The following CDR2L variants were observed in gnomAD, a reference collection of about 807,000 sequenced individuals.
The protein encoded by CDR2L is cerebellar degeneration-related protein 2-like.
CDR2L carries 19 observed loss-of-function variants against 36.1 expected under a neutral mutation model. The ratio of observed to expected loss-of-function variants is 0.53; its 90% CI spans 0.37 to 0.77. The LOEUF is 0.77. Among genes scored for constraint, CDR2L ranks in the 30% least tolerant of loss-of-function variants. The probability of loss-of-function intolerance (pLI) is 0.00; values close to 1 mark genes in which losing one functional copy is unlikely to be tolerated. For missense variants in CDR2L, 575 were observed against 627.2 expected (o/e 0.92, Z 0.89); for synonymous variants, 285 against 280.4 (o/e 1.02, Z -0.16).
chr17:75,003,199 C>A lies in CDR2L; in HGVS notation c.523C>A (p.Arg175Ser), dbSNP rs566703535. 19 of 1,564,288 alleles carry A rather than the reference C, an allele frequency of 1.2e-5. No homozygotes were observed. The South Asian group carries it at 2.2e-4, about 18-fold the overall frequency. The change falls in exon 5 of 5, where the codon CGC (arginine) becomes AGC (serine). Residue 175 changes from arginine to serine, a missense_variant. Arg to Ser is a moderately radical substitution (Grantham distance 110). Transcript: ENST00000337231. ...ACCCGCCAGGTGCAAGGATGCTTTC[C>A]GCCTACACAGTTCCTCCCTGGAGCT... is the stretch of plus-strand genomic sequence containing the variant. ...CTSPRCKDAF[R>S]LHSSSLELGP... is the part of the protein sequence containing the mutation.
chr17:74,996,024 A>G (rs1194723521), intron 1 of CDR2L, among the ~76,000 whole-genome samples: 4 of 152,044 alleles, frequency 2.6e-5, no homozygotes, highest in African/African-American at 9.7e-5. Flanking sequence ...TTGAGATTTA[A>G]TTAACACACA....
Position 75,003,623 on chromosome 17 carries a change from G to A in CDR2L, c.947G>A (p.Ser316Asn). The change falls in exon 5 of 5, where the codon AGC becomes AAC. Residue 316 changes from serine (S) to asparagine (N), a missense_variant. By Grantham distance (46) the Ser-to-Asn change is conservative. Coordinates refer to ENST00000337231, the MANE Select transcript of CDR2L (RefSeq NM_014603.3). ...AASPGHVVRK[S>N]CSDTALNAIV... ...TCTCCAGGCCACGTGGTGCGCAAGAGCTGCAGCGACACTGCGCTCAACGCC... is the reference window on the plus strand; with the variant it reads ...TCTCCAGGCCACGTGGTGCGCAAGAACTGCAGCGACACTGCGCTCAACGCC... 1 of 1,477,844 alleles carries A rather than the reference G, an allele frequency of 6.8e-7. No homozygotes were observed. The allele number at this position is 1,477,844 out of a possible 1,614,324, so 91.5% of individuals were successfully genotyped here. A position where few individuals can be genotyped will look rare whatever the true frequency, so the allele number is the denominator to read the frequency against.
chr17:75,003,808 G>C lies in CDR2L; in HGVS notation c.1132G>C (p.Gly378Arg). Residue 378 changes from glycine (G) to arginine (R), a missense_variant, in exon 5 of 5, where the codon GGG (glycine) becomes CGG (arginine). By Grantham distance (125) the Gly-to-Arg change is moderately radical. Transcript: ENST00000337231. ...EELLSKCRQH[G>R]AGVRHAGVQT... is the part of the protein sequence containing the mutation. The stretch of plus-strand genomic sequence containing the variant: ...GCTGCTGAGCAAGTGCCGGCAGCAC[G>C]GGGCCGGAGTGCGGCACGCCGGCGT... The C allele has an allele frequency of 1.3e-6, 2 of 1,543,864 alleles. No homozygotes were observed. The highest frequency in any genetic ancestry group is 8.7e-7 in the Non-Finnish European group (1 of 1,143,580).
chr17:75,002,849 C>T lies in CDR2L; in HGVS notation c.507-334C>T, dbSNP rs189736081. Among the ~76,000 whole-genome samples the T allele has an allele frequency of 6.3e-4, 96 of 152,264 alleles. 1 individual carries two copies. Among genetic ancestry groups the T allele is most frequent in the Admixed American group, 5.6e-3 (86 of 15,292 alleles). ...CACCTGGAAGGTATGGAGAAGGCTG[C>T]CTGGTCACCATTAACCATGGAGAGC... On this transcript the variant is annotated intron_variant, in intron 4 of 4. Transcript: ENST00000337231. This position sits in a 1 kb window ranked among gnomAD's most constrained non-coding sequence, Gnocchi z 4.1.
intron 3 of CDR2L, 73 bp from the exon 4 acceptor site, chr17:75,001,991 G>C: frequency 5.2e-6 from 7 of 1,335,850 alleles, no homozygotes; most frequent in Non-Finnish European, 7.0e-6. Flanking sequence ...CATCTTCAGG[G>C]AGCCAGGGCT....
chr17:74,999,533 A>T lies in CDR2L; in HGVS notation c.109A>T (p.Thr37Ser), dbSNP rs1235654421. 6 of 1,584,264 alleles carry T rather than the reference A, an allele frequency of 3.8e-6. No individual in the cohort carries two copies. Among genetic ancestry groups the T allele is most frequent in the Non-Finnish European group, 5.1e-6 (6 of 1,165,624 alleles). ...GCACCTAGCTGCGGAGCTGGGGAAG[A>T]CTCTGCTGGAGAGGAACAAGGAGCT... ...DLHLAAELGK[T>S]LLERNKELEG... The change falls in exon 2 of 5, where the codon ACT (threonine) becomes TCT (serine). Residue 37 changes from threonine to serine, a missense_variant. Physicochemically the swap from Thr to Ser is moderately conservative, Grantham distance 58 (BLOSUM62 1). Transcript: ENST00000337231.
Position 75,003,181 on chromosome 17 carries a change from A to C in CDR2L, c.507-2A>C. The C allele has an allele frequency of 6.4e-7, 1 of 1,559,590 alleles. No individual in the cohort carries two copies. The highest frequency in any genetic ancestry group is 8.7e-7 in the Non-Finnish European group (1 of 1,152,854). On this transcript the variant is annotated splice_acceptor_variant, in intron 4 of 4. Transcript: ENST00000337231. LOFTEE classifies it high-confidence loss of function. ...CCCGCTGCGACTCTCACTACCCGCC[A>C]GGTGCAAGGATGCTTTCCGCCTACA...
chr17:74,999,326 A>ACAC (rs60772273), intron 1 of CDR2L, among the ~76,000 whole-genome samples, 178 bp from the exon 2 acceptor site: 1 of 133,498 alleles, frequency 7.5e-6, no homozygotes. Flanking sequence ...AGACACACAC[A>ACAC]AAAAGAACAT....
Position 75,002,007 on chromosome 17 carries a change from G to T in CDR2L, c.342-57G>T. ...ATCTTCAGGGAGCCAGGGCTGCCGT[G>T]AGGCAAACTGGCCCCATCCCCTTAA... On this transcript the variant is annotated intron_variant, in intron 3 of 4. Transcript: ENST00000337231. This position sits in a 1 kb window ranked among gnomAD's most constrained non-coding sequence, Gnocchi z 4.1. 1.4e-6 allele frequency: 2 copies of T among 1,434,520 alleles called. No homozygotes were observed. Among genetic ancestry groups the T allele is most frequent in the Non-Finnish European group, 1.8e-6 (2 of 1,085,280 alleles). The allele number at this position is 1,434,520 out of a possible 1,614,324, so 88.9% of individuals were successfully genotyped here. A position where few individuals can be genotyped will look rare whatever the true frequency, so the allele number is the denominator to read the frequency against.
At chr17:74,996,435 C>T (rs950541258) in intron 1 of CDR2L, among the ~76,000 whole-genome samples, 5 of 115,432 alleles carry the variant, frequency 4.3e-5, no homozygotes, top group African/African-American at 1.6e-4. Context: ...CAAAGCGAGA[C>T]TCCGTCTCAA....
Position 75,001,409 on chromosome 17 carries a change from G to A in CDR2L, c.261G>A (p.Leu87=). 1 of 1,610,726 alleles carries A rather than the reference G, an allele frequency of 6.2e-7. No homozygotes were observed. Among genetic ancestry groups the A allele is most frequent in the Non-Finnish European group, 8.5e-7 (1 of 1,178,852 alleles). The change falls in exon 3 of 5, where the codon CTG becomes CTA. Residue 87 remains leucine, a synonymous_variant. Coordinates refer to ENST00000337231, the MANE Select transcript of CDR2L (RefSeq NM_014603.3). ...NEQHAKVYEQ[L]DLTARDLELT... ...AGCACGCCAAAGTCTATGAGCAGCT[G>A]GACCTGACAGCCCGGGACCTGGAGC...
At chr17:74,995,210 CTT>C (rs75415821) in intron 1 of CDR2L, among the ~76,000 whole-genome samples, 2 of 144,006 alleles carry the variant, frequency 1.4e-5, no homozygotes, top group East Asian at 2.0e-4. Context: ...TCTACACTTT[CTT>C]TTTTTTTTTT....
intron 2 of CDR2L, 30 bp downstream of exon 2, chr17:74,999,646 C>A: frequency 2.2e-6 from 3 of 1,346,232 alleles, no homozygotes; most frequent in Non-Finnish European, 3.1e-6. Flanking sequence ...TTGCCCACAC[C>A]CCTCGAGGGC....
intron 4 of CDR2L, 70 bp from the exon 5 acceptor site, chr17:75,003,113 C>T: frequency 6.7e-7 from 1 of 1,499,444 alleles, no homozygotes; most frequent in East Asian, 2.5e-5. Flanking sequence ...GGCTGCTCGG[C>T]CTTGGCCGTG....
intron 3 of CDR2L, among the ~76,000 whole-genome samples, chr17:75,001,744 C>A (rs1412651011): frequency 2.0e-5 from 3 of 152,190 alleles, no homozygotes; most frequent in Admixed American, 1.3e-4. Flanking sequence ...TTGTCCTGCC[C>A]TCTAATACCT....
At chr17:74,998,225 CA>C (rs911883221) in intron 1 of CDR2L, among the ~76,000 whole-genome samples, 1 of 145,516 alleles carries the variant, frequency 6.9e-6, no homozygotes, top group Non-Finnish European at 1.5e-5. Context: ...AACTCCGTCT[CA>C]AAAAAAAAAC....
At position 75,003,246 on chromosome 17, in the gene CDR2L, G is replaced by A. The variant is rs1442271040; in HGVS notation, c.570G>A (p.Gln190=). The A allele has an allele frequency of 3.2e-6, 5 of 1,563,228 alleles. No individual in the cohort carries two copies. The highest frequency in any genetic ancestry group is 4.3e-6 in the Non-Finnish European group (5 of 1,154,718). Residue 190 remains glutamine, a synonymous_variant, in exon 5 of 5, where the codon CAG becomes CAA. Coordinates refer to ENST00000337231, the MANE Select transcript of CDR2L (RefSeq NM_014603.3). ...AGCTGGGCCCGCGGCCCCTGGAGCA[G>A]GAGAACGAGCGGCTGCAGACCCTGG... ...SLELGPRPLE[Q]ENERLQTLVG...
At chr17:74,990,642 A>G (rs1026617363) in intron 1 of CDR2L, among the ~76,000 whole-genome samples, 2 of 152,212 alleles carry the variant, frequency 1.3e-5, no homozygotes, top group Non-Finnish European at 2.9e-5. Flanking sequence ...CGATGCTTGT[A>G]CCAAGTCATG....
chr17:74,995,998 T>G (rs2039822993), intron 1 of CDR2L, among the ~76,000 whole-genome samples: 1 of 152,210 alleles, frequency 6.6e-6, no homozygotes, highest in African/African-American at 2.4e-5. Context: ...AATCTTTTTT[T>G]TTTTTGACAG....
Sources: gnomAD v4.1 joint callset for allele counts (sites outside exome capture counted in the v4.1 genomes callset) on GRCh38, gnomAD v4.1.1 for gene constraint, Gnocchi (gnomAD v3.1) non-coding constraint, MANE v1.5 for transcripts, NCBI Gene and HGNC (gene_info 2026-07-23, HGNC 2026-07-21) for gene names.